AUTS2: variants seen among roughly 807,000 people sequenced by gnomAD.
AUTS2 encodes activator of transcription and developmental regulator AUTS2.
In AUTS2, 17 loss-of-function variants were observed where a neutral mutation model predicts 112.4. That is an observed-to-expected ratio of 0.15 (90% confidence interval 0.10 to 0.23). AUTS2 has a LOEUF of 0.23. Among genes scored for constraint, AUTS2 ranks in the 10% least tolerant of loss-of-function variants. The pLI is 1.00. For missense variants in AUTS2, 1,510 were observed against 1,701.6 expected (o/e 0.89, Z 1.98); for synonymous variants, 751 against 702.7 (o/e 1.07, Z -1.09).
intron 4 of AUTS2, among the ~76,000 whole-genome samples, chr7:70,294,657 G>A (rs982934028): frequency 3.3e-5 from 5 of 152,098 alleles, no homozygotes; most frequent in South Asian, 4.1e-4. Flanking sequence ...AGCACCATTC[G>A]GTCACAGGCT....
At chr7:69,894,252 GTT>G (rs370966756) in intron 1 of AUTS2, among the ~76,000 whole-genome samples, 1 of 36,740 alleles carries the variant, frequency 2.7e-5, no homozygotes, top group Non-Finnish European at 4.6e-5. Context: ...GCCTTAAAGC[GTT>G]TTTTTTTTTT....
At position 70,631,411 on chromosome 7, in the gene AUTS2, TG is replaced by T. The variant is rs945997384; in HGVS notation, c.691-67157del. ...TGTGTGCGTGTCGGGCATGCTGCTC[TG>T]TGCGGGAAGAGGCTCGTTTCAGAGG... is the stretch of plus-strand genomic sequence containing the variant. On this transcript the variant is annotated intron_variant, in intron 5 of 18. Transcript: ENST00000342771. This position sits in a 1 kb window ranked among gnomAD's most constrained non-coding sequence, Gnocchi z 4.5. 6.6e-6 allele frequency among the ~76,000 whole-genome samples: 1 copy of T among 152,194 alleles called. No homozygotes were observed. Among genetic ancestry groups the T allele is most frequent in the African/African-American group, 2.4e-5 (1 of 41,454 alleles).
intron 1 of AUTS2, among the ~76,000 whole-genome samples, chr7:69,852,749 G>C (rs909516185): frequency 6.6e-6 from 1 of 152,120 alleles, no homozygotes; most frequent in Admixed American, 6.5e-5. Flanking sequence ...CACCGTGCCC[G>C]GCCCCTGCTT....
rs1341235592 is a variant in AUTS2 at position 70,294,403 on chromosome 7, T to A, written c.661-141349T>A. On this transcript the variant is annotated intron_variant, in intron 4 of 18. Coordinates refer to ENST00000342771, the MANE Select transcript of AUTS2 (RefSeq NM_015570.4). ...TTCCCAAGTCAAACTGCATCCTCTC[T>A]TCCTTTCCCATATTAAACCCTTTGA... is the stretch of plus-strand genomic sequence containing the variant. Among the ~76,000 whole-genome samples the A allele has an allele frequency of 4.6e-5, 7 of 152,328 alleles. No homozygotes were observed. In the East Asian group the frequency reaches 1.3e-3, roughly 29 times the overall value.
At chr7:70,643,472 G>A (rs1453886199) in intron 5 of AUTS2, among the ~76,000 whole-genome samples, 1 of 152,226 alleles carries the variant, frequency 6.6e-6, no homozygotes, top group African/African-American at 2.4e-5. Flanking sequence ...CCAGGAGGCT[G>A]CAGGAGGAGA....
chr7:70,524,015 AT>A (rs1309153844), intron 5 of AUTS2, among the ~76,000 whole-genome samples: 1 of 152,236 alleles, frequency 6.6e-6, no homozygotes, highest in East Asian at 1.9e-4. Context: ...AATTAAACAA[AT>A]TAACCTGTTC....
intron 4 of AUTS2, among the ~76,000 whole-genome samples, chr7:70,168,113 A>G (rs575323044): frequency 3.9e-5 from 6 of 152,378 alleles, no homozygotes; most frequent in African/African-American, 1.4e-4. Context: ...GCTTTCTGAT[A>G]CATTATTAAG....
At chr7:70,755,565 G>A (rs1327783815) in intron 6 of AUTS2, among the ~76,000 whole-genome samples, 2 of 151,940 alleles carry the variant, frequency 1.3e-5, no homozygotes, top group Non-Finnish European at 2.9e-5. Flanking sequence ...TACTCGGAAG[G>A]TTGTCAGAAG....
At chr7:70,628,603 TC>T (rs1190842818) in intron 5 of AUTS2, among the ~76,000 whole-genome samples, 1 of 150,448 alleles carries the variant, frequency 6.6e-6, no homozygotes, top group Admixed American at 6.6e-5. Context: ...AATCCAGTAA[TC>T]AGAACTTTCC....
At chr7:70,692,318 C>T (rs1808796540) in intron 5 of AUTS2, among the ~76,000 whole-genome samples, 1 of 152,210 alleles carries the variant, frequency 6.6e-6, no homozygotes, top group South Asian at 2.1e-4. Flanking sequence ...GGAGCTCAGG[C>T]AGTTTCTTCC....
chr7:69,753,390 A>C (rs950767096), intron 1 of AUTS2, among the ~76,000 whole-genome samples: 2 of 151,926 alleles, frequency 1.3e-5, no homozygotes, highest in Non-Finnish European at 2.9e-5. Flanking sequence ...GAAAGGCATG[A>C]GAAAAATGAG....
At chr7:70,008,776 C>T (rs1799659606) in intron 2 of AUTS2, among the ~76,000 whole-genome samples, 1 of 152,144 alleles carries the variant, frequency 6.6e-6, no homozygotes, top group South Asian at 2.1e-4. Flanking sequence ...AGCCGTATCA[C>T]TAAAATTTCC....
At chr7:70,041,478 C>T (rs1801245015) in intron 2 of AUTS2, among the ~76,000 whole-genome samples, 1 of 152,080 alleles carries the variant, frequency 6.6e-6, no homozygotes, top group African/African-American at 2.4e-5. Flanking sequence ...ACATGAATTC[C>T]AGTAGTTTCA....
At chr7:70,354,507 G>A (rs1791905041) in intron 4 of AUTS2, among the ~76,000 whole-genome samples, 2 of 152,164 alleles carry the variant, frequency 1.3e-5, no homozygotes. Context: ...ATCCTGTGAG[G>A]TAAAGTCTTA....
At chr7:69,929,398 C>A (rs1239958769) in intron 2 of AUTS2, among the ~76,000 whole-genome samples, 4 of 151,900 alleles carry the variant, frequency 2.6e-5, no homozygotes, top group Non-Finnish European at 5.9e-5. Context: ...TAGGATTCAT[C>A]ATTTTTATGA....
intron 4 of AUTS2, among the ~76,000 whole-genome samples, chr7:70,378,307 T>G (rs1435112011): frequency 6.6e-6 from 1 of 152,230 alleles, no homozygotes; most frequent in African/African-American, 2.4e-5. Flanking sequence ...ATTGAAATAT[T>G]TTTGCATCTG....
chr7:70,377,773 C>CT lies in AUTS2; in HGVS notation c.661-57963dup, dbSNP rs1200007177. 9.5e-3 allele frequency among the ~76,000 whole-genome samples: 1,310 copies of CT among 137,500 alleles called. 16 individuals are homozygous for CT. Among genetic ancestry groups the CT allele is most frequent in the African/African-American group, 0.018 (676 of 37,306 alleles). The allele number at this position is 137,500 out of a possible 152,430, so 90.2% of individuals were successfully genotyped here. On this transcript the variant is annotated intron_variant, in intron 4 of 18. Coordinates refer to ENST00000342771, the MANE Select transcript of AUTS2 (RefSeq NM_015570.4). ...CTTATTTCGCTTAGGATAATGTCTT[C>CT]TTTTTTTTTTTTTTTTGTGACAGAG...
intron 1 of AUTS2, among the ~76,000 whole-genome samples, chr7:69,692,426 TG>T (rs1188052296): frequency 6.6e-6 from 1 of 152,226 alleles, no homozygotes; most frequent in African/African-American, 2.4e-5. Context: ...ACGTGTGTGA[TG>T]ATTTTATTGG....
chr7:69,615,904 C>T (rs935413719), intron 1 of AUTS2, among the ~76,000 whole-genome samples: 2 of 152,200 alleles, frequency 1.3e-5, no homozygotes, highest in Non-Finnish European at 2.9e-5. Flanking sequence ...GGCATTAAAT[C>T]GTCTTTAGTT....
Sources: allele counts gnomAD v4.1 joint callset (sites outside exome capture counted in the v4.1 genomes callset), GRCh38; gene constraint gnomAD v4.1.1; non-coding constraint Gnocchi (gnomAD v3.1); transcripts MANE v1.5; gene names NCBI Gene and HGNC (gene_info 2026-07-23, HGNC 2026-07-21).